The following OXR1 variants were observed in gnomAD, a reference collection of about 807,000 sequenced individuals.
OXR1 encodes oxidation resistance protein 1.
Under a neutral mutation model 104.6 loss-of-function variants are expected in OXR1, and 41 were observed. The observed-to-expected ratio is 0.39, with a 90% CI of 0.31 to 0.51. The LOEUF is 0.51. OXR1 is among the 20% of genes least tolerant of loss of function. OXR1 has a pLI of 0.77. For missense variants in OXR1, 955 were observed against 1,031.9 expected, an observed-to-expected ratio of 0.93 and a Z score of 1.02; for synonymous variants, 348 against 348.4, an observed-to-expected ratio of 1.00 and a Z score of 0.01.
intron 2 of OXR1, among the ~76,000 whole-genome samples, chr8:106,392,433 GAAGAGAC>G (rs1376159891): frequency 6.6e-6 from 1 of 152,132 alleles, no homozygotes; most frequent in Non-Finnish European, 1.5e-5. Flanking sequence ...TTAGGTTGGT[GAAGAGAC>G]AAGAGAATTT....
intron 2 of OXR1, among the ~76,000 whole-genome samples, chr8:106,375,785 C>T (rs1241193861): frequency 6.6e-6 from 1 of 152,118 alleles, no homozygotes; most frequent in African/African-American, 2.4e-5. Context: ...AAAGCAAAGC[C>T]CAGTGTTAGA....
At chr8:106,743,836 C>G (rs1374962233) in intron 15 of OXR1, among the ~76,000 whole-genome samples, 1 of 152,184 alleles carries the variant, frequency 6.6e-6, no homozygotes, top group African/African-American at 2.4e-5. Context: ...ATAGCAAAGA[C>G]ATGGAATCAA....
At chr8:106,307,736 G>A (rs1174313280) in intron 1 of OXR1, among the ~76,000 whole-genome samples, 3 of 152,022 alleles carry the variant, frequency 2.0e-5, no homozygotes, top group Non-Finnish European at 4.4e-5. Flanking sequence ...TACATAGTTT[G>A]ACATTTTAAA....
At chr8:106,335,823 C>T (rs186952698) in intron 1 of OXR1, among the ~76,000 whole-genome samples, 14 of 152,130 alleles carry the variant, frequency 9.2e-5, no homozygotes, top group East Asian at 7.8e-4. Flanking sequence ...AGGCCAGGTG[C>T]GGTGGCTCAT....
At chr8:106,497,626 A>G (rs1811498148) in intron 2 of OXR1, among the ~76,000 whole-genome samples, 1 of 152,228 alleles carries the variant, frequency 6.6e-6, no homozygotes, top group African/African-American at 2.4e-5. Flanking sequence ...CTATGACACC[A>G]TAAATGTGTA....
chr8:106,608,980 G>A (rs1307819945), intron 3 of OXR1, among the ~76,000 whole-genome samples: 2 of 152,150 alleles, frequency 1.3e-5, no homozygotes, highest in Non-Finnish European at 2.9e-5. Flanking sequence ...AAATCATAAA[G>A]CCCATTTTGT....
At chr8:106,644,370 T>C (rs1362739463) in intron 3 of OXR1, among the ~76,000 whole-genome samples, 1 of 152,218 alleles carries the variant, frequency 6.6e-6, no homozygotes, top group Non-Finnish European at 1.5e-5. Context: ...TGTAACTTAA[T>C]CATTTGCAAA....
intron 3 of OXR1, among the ~76,000 whole-genome samples, chr8:106,533,294 G>A (rs1814226560): frequency 6.6e-6 from 1 of 152,176 alleles, no homozygotes; most frequent in South Asian, 2.1e-4. Context: ...TTAATTCTTA[G>A]CCTCTGCTAG....
chr8:106,472,159 G>A lies in OXR1; in HGVS notation c.24-46784G>A, dbSNP rs145602436. Among the ~76,000 whole-genome samples the A allele has an allele frequency of 4.0e-5, 6 of 151,866 alleles. No individual in the cohort carries two copies. The East Asian group carries it at 5.8e-4, about 15-fold the overall frequency. ...GTAAGGGTCAGTTATTTTAAAGAAC[G>A]TTTGAGTGATGTTTCCACATCACGG... On this transcript the variant is annotated intron_variant, in intron 2 of 16. Transcript: ENST00000517566.
At chr8:106,310,184 A>AT (rs1379220292) in intron 1 of OXR1, among the ~76,000 whole-genome samples, 3 of 150,412 alleles carry the variant, frequency 2.0e-5, no homozygotes, top group Non-Finnish European at 4.4e-5. Flanking sequence ...TTCTTTAACA[A>AT]TATTTTGTTT....
At chr8:106,532,937 C>T (rs895304663) in intron 3 of OXR1, among the ~76,000 whole-genome samples, 13 of 152,322 alleles carry the variant, frequency 8.5e-5, no homozygotes, top group African/African-American at 2.9e-4. Flanking sequence ...ATATGGAGGA[C>T]AGCCTGTTAG....
chr8:106,551,989 A>T (rs1815875608), intron 3 of OXR1, among the ~76,000 whole-genome samples: 1 of 150,960 alleles, frequency 6.6e-6, no homozygotes, highest in Non-Finnish European at 1.5e-5. Context: ...TGAGCCCAGG[A>T]GGTCCTGGCT....
chr8:106,343,055 C>T (rs941237462), intron 1 of OXR1, among the ~76,000 whole-genome samples: 4 of 152,226 alleles, frequency 2.6e-5, no homozygotes, highest in African/African-American at 9.6e-5. Flanking sequence ...GACTATCTTT[C>T]TGTCCCTCCT....
intron 6 of OXR1, among the ~76,000 whole-genome samples, chr8:106,689,205 T>C (rs1829041572): frequency 6.6e-6 from 1 of 152,082 alleles, no homozygotes; most frequent in South Asian, 2.1e-4. Context: ...AATCATTTCT[T>C]GCCTCTTCTA....
intron 2 of OXR1, among the ~76,000 whole-genome samples, chr8:106,385,498 A>G (rs959964472): frequency 1.4e-4 from 22 of 152,126 alleles, no homozygotes; most frequent in African/African-American, 5.1e-4. Flanking sequence ...TGCAATTGTA[A>G]CTAACATGTG....
intron 2 of OXR1, among the ~76,000 whole-genome samples, chr8:106,500,171 T>C (rs189985810): frequency 9.5e-4 from 145 of 152,310 alleles, no homozygotes; most frequent in African/African-American, 3.4e-3. Context: ...ATATAGCATA[T>C]ATTATACTGA....
In OXR1 at chr8:106,572,934, A is replaced by G. The variant is rs368095635; in HGVS notation, c.220+53795A>G. ...CCAAGATCTGTAGTCAAGCAAGCCA[A>G]TGGAGACCCAGGAGAGCTGATGTGT... On this transcript the variant is annotated intron_variant, in intron 3 of 16. Coordinates refer to ENST00000517566, the MANE Select transcript of OXR1 (RefSeq NM_001198533.2). Among the ~76,000 whole-genome samples the G allele has an allele frequency of 4.5e-4, 69 of 152,248 alleles. No homozygotes were observed. The South Asian group carries it at 5.2e-3, about 11-fold the overall frequency.
chr8:106,550,824 T>A (rs1287942264), intron 3 of OXR1, among the ~76,000 whole-genome samples: 1 of 152,174 alleles, frequency 6.6e-6, no homozygotes, highest in African/African-American at 2.4e-5. Context: ...TATGTCTTTA[T>A]AGCAGTGTGA....
intron 2 of OXR1, among the ~76,000 whole-genome samples, chr8:106,503,123 G>A (rs1789983): frequency 0.83 from 126,652 of 151,958 alleles, 53,014 homozygotes; most frequent in African/African-American, 0.88. Context: ...CAATGAATAT[G>A]TAGAAACTAA....
Sources: allele counts gnomAD v4.1 joint callset (sites outside exome capture counted in the v4.1 genomes callset), GRCh38; gene constraint gnomAD v4.1.1; transcripts MANE v1.5; gene names NCBI Gene and HGNC (gene_info 2026-07-23, HGNC 2026-07-21).